The following TSHZ2 variants were observed in gnomAD, a reference collection of about 807,000 sequenced individuals.
TSHZ2 encodes teashirt zinc finger homeobox 2.
A neutral mutation model predicts 74.4 loss-of-function variants in TSHZ2; 21 were observed. The observed-to-expected ratio is 0.28, with a 90% CI of 0.20 to 0.41. TSHZ2 has a LOEUF of 0.41. Among genes scored for constraint, TSHZ2 ranks in the 10% least tolerant of loss-of-function variants. The pLI, the probability that TSHZ2 is intolerant of heterozygous loss-of-function variation, is 1.00. For synonymous variants in TSHZ2, 540 were observed against 515.3 expected (o/e 1.05, Z -0.65); for missense variants, 1,244 against 1,293.5 (o/e 0.96, Z 0.59).
chr20:53,323,706 G>C (rs1979377566), intron 2 of TSHZ2, among the ~76,000 whole-genome samples: 1 of 150,704 alleles, frequency 6.6e-6, no homozygotes, highest in Non-Finnish European at 1.5e-5. Flanking sequence ...CTCCTGAGTA[G>C]CTGGGATTAC....
At chr20:53,359,056 G>A (rs1203705951) in intron 2 of TSHZ2, among the ~76,000 whole-genome samples, 4 of 152,012 alleles carry the variant, frequency 2.6e-5, no homozygotes, top group African/African-American at 4.8e-5. Context: ...CCATGTTAAC[G>A]TTTTTCTTCC....
At chr20:53,128,806 G>C (rs1158272034) in intron 1 of TSHZ2, among the ~76,000 whole-genome samples, 1 of 152,092 alleles carries the variant, frequency 6.6e-6, no homozygotes, top group South Asian at 2.1e-4. Flanking sequence ...ATTTTTAGTA[G>C]AGATTGGGTT....
At chr20:53,095,178 C>G (rs144022861) in intron 1 of TSHZ2, among the ~76,000 whole-genome samples, 1 of 152,158 alleles carries the variant, frequency 6.6e-6, no homozygotes, top group African/African-American at 2.4e-5. Flanking sequence ...TGGTTTCTCT[C>G]TATATATTTC....
At chr20:53,310,309 A>G (rs1470738745) in intron 2 of TSHZ2, among the ~76,000 whole-genome samples, 1 of 152,220 alleles carries the variant, frequency 6.6e-6, no homozygotes, top group Non-Finnish European at 1.5e-5. Context: ...CCCTGTCCCT[A>G]TTGGACTAGA....
At chr20:53,012,111 A>G (rs988747774) in intron 1 of TSHZ2, among the ~76,000 whole-genome samples, 3 of 152,174 alleles carry the variant, frequency 2.0e-5, no homozygotes, top group Admixed American at 1.3e-4. Context: ...AGGTACTCAT[A>G]CAGATTTATA....
chr20:53,169,597 A>T (rs1323687474), intron 1 of TSHZ2, among the ~76,000 whole-genome samples: 1 of 152,226 alleles, frequency 6.6e-6, no homozygotes, highest in Non-Finnish European at 1.5e-5. Flanking sequence ...CCTCAAAAAA[A>T]TCTGTTGCAT....
At position 53,255,861 on chromosome 20, in the gene TSHZ2, C is replaced by T. The variant is rs1156247407; in HGVS notation, c.2403C>T (p.Val801=). Reference sequence around the variant, plus strand: ...CTGACATCGCCGACATGGTCAAAGTCCTCCCCAAAGCCACCACCCCAAAGC... The same window carrying T: ...CTGACATCGCCGACATGGTCAAAGTTCTCCCCAAAGCCACCACCCCAAAGC... The part of the protein sequence containing the change: ...ALSDIADMVK[V]LPKATTPKPA... The change falls in exon 2 of 3, where the codon GTC becomes GTT. Residue 801 remains valine (V), a synonymous_variant. Transcript: ENST00000371497. This position sits in a 1 kb window ranked among gnomAD's most constrained non-coding sequence, Gnocchi z 4.1. The T allele has an allele frequency of 7.4e-6, 12 of 1,612,052 alleles. No individual in the cohort carries two copies.
At chr20:53,159,323 T>C (rs553799320) in intron 1 of TSHZ2, among the ~76,000 whole-genome samples, 2 of 152,310 alleles carry the variant, frequency 1.3e-5, no homozygotes, top group South Asian at 4.1e-4. Context: ...CAGCCCAACA[T>C]CTGTTTTTGG....
At chr20:53,285,728 A>AAAAG (rs751891787) in intron 2 of TSHZ2, among the ~76,000 whole-genome samples, 6,200 of 151,520 alleles carry the variant, frequency 0.041, 439 homozygotes, top group African/African-American at 0.14. Context: ...AGAGAAAAAA[A>AAAAG]AAAGAAAGAA....
intron 1 of TSHZ2, among the ~76,000 whole-genome samples, chr20:53,207,821 A>G (rs935620082): frequency 2.6e-4 from 39 of 149,974 alleles, no homozygotes; most frequent in African/African-American, 8.1e-4. Context: ...AGTTAGGGCT[A>G]CAGGCATGCA....
At chr20:53,205,908 A>G (rs1989156848) in intron 1 of TSHZ2, among the ~76,000 whole-genome samples, 1 of 152,186 alleles carries the variant, frequency 6.6e-6, no homozygotes, top group Non-Finnish European at 1.5e-5. Flanking sequence ...TTTAAGGCTT[A>G]GTTCCCTTAT....
At chr20:53,109,635 T>C (rs901919496) in intron 1 of TSHZ2, among the ~76,000 whole-genome samples, 8 of 152,258 alleles carry the variant, frequency 5.3e-5, no homozygotes, top group Admixed American at 3.3e-4. Flanking sequence ...TTATTTGCAG[T>C]GTTGCAATGG....
intron 2 of TSHZ2, among the ~76,000 whole-genome samples, chr20:53,486,220 G>A (rs771065429): frequency 5.3e-5 from 8 of 152,104 alleles, no homozygotes; most frequent in Non-Finnish European, 7.3e-5. Context: ...GTTGTAGAAC[G>A]TGTCAGAATT....
At chr20:53,387,241 T>G (rs1386094518) in intron 2 of TSHZ2, among the ~76,000 whole-genome samples, 1 of 152,232 alleles carries the variant, frequency 6.6e-6, no homozygotes, top group Non-Finnish European at 1.5e-5. Context: ...CTGTATGCAA[T>G]GTAGAAAACA....
At chr20:53,467,345 A>G (rs1256551423) in intron 2 of TSHZ2, among the ~76,000 whole-genome samples, 1 of 152,084 alleles carries the variant, frequency 6.6e-6, no homozygotes, top group Non-Finnish European at 1.5e-5. Context: ...AGAGTGGTCT[A>G]TTTTCCAAGA....
chr20:53,471,630 A>C (rs1985803198), intron 2 of TSHZ2, among the ~76,000 whole-genome samples: 1 of 152,144 alleles, frequency 6.6e-6, no homozygotes, highest in Admixed American at 6.5e-5. Flanking sequence ...AGTGGGAAGA[A>C]GAGCATGCTA....
At chr20:53,429,024 T>C (rs935566322) in intron 2 of TSHZ2, among the ~76,000 whole-genome samples, 1 of 152,234 alleles carries the variant, frequency 6.6e-6, no homozygotes, top group Non-Finnish European at 1.5e-5. Flanking sequence ...AACACAGCTA[T>C]AGTTACTGCT....
At chr20:53,085,568 T>TA (rs138857089) in intron 1 of TSHZ2, among the ~76,000 whole-genome samples, 165 of 152,302 alleles carry the variant, frequency 1.1e-3, no homozygotes, top group African/African-American at 3.8e-3. Context: ...ATTGAACACT[T>TA]ATTTACATGC....
At chr20:53,469,818 TAGAGAAAG>T (rs1985733506) in intron 2 of TSHZ2, among the ~76,000 whole-genome samples, 1 of 65,028 alleles carries the variant, frequency 1.5e-5, no homozygotes, top group Admixed American at 2.0e-4. Context: ...CCAACAAAGA[TAGAGAAAG>T]AGAGAGGGAG....
Sources: allele counts gnomAD v4.1 joint callset (sites outside exome capture counted in the v4.1 genomes callset), GRCh38; gene constraint gnomAD v4.1.1; non-coding constraint Gnocchi (gnomAD v3.1); transcripts MANE v1.5; gene names NCBI Gene and HGNC (gene_info 2026-07-23, HGNC 2026-07-21).